The following POU6F2 variants were observed in gnomAD, a reference collection of about 807,000 sequenced individuals.
POU6F2 encodes the protein POU domain, class 6, transcription factor 2.
POU6F2 carries 31 observed loss-of-function variants against 71.3 expected under a neutral mutation model. That is an observed-to-expected ratio of 0.43 (90% confidence interval 0.33 to 0.59). The LOEUF (loss-of-function observed/expected upper bound fraction) is 0.59, where lower values mean the gene tolerates loss of function less well. POU6F2 is among the 20% of genes least tolerant of loss of function. The pLI, the probability that POU6F2 is intolerant of heterozygous loss-of-function variation, is 0.04. For missense variants in POU6F2, 783 were observed against 856.8 expected (o/e 0.91, Z 1.07); for synonymous variants, 347 against 355.7 (o/e 0.98, Z 0.27).
chr7:39,264,841 A>G (rs986758547), intron 4 of POU6F2, among the ~76,000 whole-genome samples: 26 of 152,300 alleles, frequency 1.7e-4, no homozygotes, highest in African/African-American at 5.8e-4. Flanking sequence ...GACGGCTAAT[A>G]TATATACTCC....
At chr7:39,398,833 G>T (rs1384157127) in intron 5 of POU6F2, among the ~76,000 whole-genome samples, 4 of 152,168 alleles carry the variant, frequency 2.6e-5, no homozygotes, top group Non-Finnish European at 4.4e-5. Flanking sequence ...TATGGCAGGA[G>T]CTCTTCTAGT....
At chr7:39,300,541 G>A (rs1234215608) in intron 4 of POU6F2, among the ~76,000 whole-genome samples, 1 of 152,178 alleles carries the variant, frequency 6.6e-6, no homozygotes, top group Non-Finnish European at 1.5e-5. Context: ...AGACTGGGTG[G>A]CTAACACAAC....
chr7:39,069,419 T>C (rs1790827706), intron 1 of POU6F2, among the ~76,000 whole-genome samples: 1 of 152,168 alleles, frequency 6.6e-6, no homozygotes, highest in Admixed American at 6.5e-5. Flanking sequence ...CCGCAGGTGA[T>C]ATTCATTTTC....
chr7:39,227,618 G>A (rs187630040), intron 4 of POU6F2, among the ~76,000 whole-genome samples: 198 of 147,758 alleles, frequency 1.3e-3, no homozygotes, highest in African/African-American at 4.5e-3. Flanking sequence ...GCAGTGGCGC[G>A]ATCTCAGCTC....
At position 39,460,304 on chromosome 7, in the gene POU6F2, A is replaced by G. The variant is rs1788914693; in HGVS notation, c.1490-243A>G. ...CATGCTCTGGCATTGGGGAAGTGGC[A>G]GTGTGAACAAGCTGTGGTTTTATCT... is the stretch of plus-strand genomic sequence containing the variant. On this transcript the variant is annotated intron_variant, in intron 8 of 9. Transcript: ENST00000518318. The surrounding 1 kb of genome is among the most constrained non-coding windows in gnomAD (Gnocchi z 4.4). 6.6e-6 allele frequency among the ~76,000 whole-genome samples: 1 copy of G among 152,184 alleles called. No homozygotes were observed. Among genetic ancestry groups the G allele is most frequent in the Non-Finnish European group, 1.5e-5 (1 of 68,042 alleles).
chr7:38,991,148 T>C (rs568145498), intron 1 of POU6F2, among the ~76,000 whole-genome samples: 1 of 152,284 alleles, frequency 6.6e-6, no homozygotes, highest in East Asian at 1.9e-4. Context: ...ATTATTAATA[T>C]GTTTATGAAC....
chr7:39,459,148 T>A (rs192262409), intron 8 of POU6F2, among the ~76,000 whole-genome samples: 2 of 152,376 alleles, frequency 1.3e-5, no homozygotes, highest in East Asian at 3.9e-4. Context: ...CAGAAGTTAC[T>A]TTTCAAAAAT....
rs1788923474 is a variant in POU6F2, at chr7:39,460,612, G to A, written c.1555G>A (p.Ala519Thr). The change falls in exon 9 of 10, where the codon GCT becomes ACT. Residue 519 changes from alanine (A) to threonine (T), a missense_variant. By Grantham distance (58) the Ala-to-Thr change is moderately conservative (BLOSUM62 0). Transcript: ENST00000518318. The surrounding 1 kb of genome is among the most constrained non-coding windows in gnomAD (Gnocchi z 4.4). ...GGAGGAGATCCGAGAATTTGCCAAAGCTTTTAAAATCCGGCGCCTGTCCCT... is the reference window on the plus strand; with the variant it reads ...GGAGGAGATCCGAGAATTTGCCAAAACTTTTAAAATCCGGCGCCTGTCCCT... ...NLEEIREFAK[A>T]FKIRRLSLGL... 6.2e-7 allele frequency: 1 copy of A among 1,612,662 alleles called. No individual in the cohort carries two copies. The highest frequency in any genetic ancestry group is 8.5e-7 in the Non-Finnish European group (1 of 1,179,378).
chr7:39,113,154 G>C (rs1168082583), intron 2 of POU6F2, among the ~76,000 whole-genome samples: 1 of 152,052 alleles, frequency 6.6e-6, no homozygotes, highest in Non-Finnish European at 1.5e-5. Context: ...AGGGCCTCTT[G>C]GTACCCACTT....
intron 4 of POU6F2, among the ~76,000 whole-genome samples, chr7:39,231,394 G>A (rs779424573): frequency 4.6e-5 from 7 of 152,000 alleles, no homozygotes; most frequent in South Asian, 2.1e-4. Context: ...TGACCCCTAC[G>A]GCATGCCAGG....
At chr7:39,122,704 A>AT (rs1199309217) in intron 2 of POU6F2, among the ~76,000 whole-genome samples, 10,038 of 117,116 alleles carry the variant, frequency 0.086, 512 homozygotes, top group Admixed American at 0.12. Context: ...ATGCATGCCT[A>AT]TTTTTTTTTT....
intron 2 of POU6F2, among the ~76,000 whole-genome samples, chr7:39,134,468 G>C (rs73365529): frequency 0.017 from 2,623 of 152,274 alleles, 67 homozygotes; most frequent in African/African-American, 0.06. Context: ...ATGGTGATGA[G>C]AGATCATGCC....
At chr7:39,123,112 G>T (rs1792078044) in intron 2 of POU6F2, among the ~76,000 whole-genome samples, 1 of 152,192 alleles carries the variant, frequency 6.6e-6, no homozygotes, top group Non-Finnish European at 1.5e-5. Context: ...TAGTTATTGA[G>T]CAGACTAGAG....
chr7:39,248,171 G>A (rs1281324833), intron 4 of POU6F2, among the ~76,000 whole-genome samples: 2 of 152,128 alleles, frequency 1.3e-5, no homozygotes, highest in African/African-American at 4.8e-5. Context: ...CTTGTTAAGA[G>A]ATATTGTTGA....
At chr7:39,373,248 G>T (rs985137821) in intron 5 of POU6F2, among the ~76,000 whole-genome samples, 1 of 152,178 alleles carries the variant, frequency 6.6e-6, no homozygotes, top group African/African-American at 2.4e-5. Flanking sequence ...ATGACAGAAG[G>T]TGAAGGAAGA....
intron 1 of POU6F2, among the ~76,000 whole-genome samples, chr7:39,032,558 C>A (rs1186607728): frequency 2.0e-5 from 3 of 152,166 alleles, no homozygotes; most frequent in African/African-American, 7.2e-5. Context: ...ATGAAAGTAG[C>A]GCATCCTGTG....
intron 1 of POU6F2, among the ~76,000 whole-genome samples, chr7:39,033,839 G>A (rs1790002859): frequency 6.6e-6 from 1 of 152,224 alleles, no homozygotes; most frequent in Non-Finnish European, 1.5e-5. Flanking sequence ...CGCGCTAGTG[G>A]ATGTATTCAG....
chr7:39,063,803 C>G (rs1013818411), intron 1 of POU6F2, among the ~76,000 whole-genome samples: 1 of 151,974 alleles, frequency 6.6e-6, no homozygotes, highest in Non-Finnish European at 1.5e-5. Flanking sequence ...AAAGAACAAG[C>G]AGCAGATTAG....
intron 1 of POU6F2, among the ~76,000 whole-genome samples, chr7:39,003,049 A>C (rs1788957034): frequency 6.6e-6 from 1 of 152,226 alleles, no homozygotes; most frequent in Non-Finnish European, 1.5e-5. Flanking sequence ...GAAGACTTTA[A>C]TGACATGGAA....
Sources: gnomAD v4.1 joint callset for allele counts (sites outside exome capture counted in the v4.1 genomes callset) on GRCh38, gnomAD v4.1.1 for gene constraint, Gnocchi (gnomAD v3.1) non-coding constraint, MANE v1.5 for transcripts, NCBI Gene and HGNC (gene_info 2026-07-23, HGNC 2026-07-21) for gene names.